TCF7L1: variants seen among roughly 807,000 people sequenced by gnomAD.
TCF7L1 encodes the protein transcription factor 7-like 1.
Under a neutral mutation model 63.7 loss-of-function variants are expected in TCF7L1, and 18 were observed. The ratio of observed to expected loss-of-function variants is 0.28; its 90% CI spans 0.20 to 0.42. The LOEUF is 0.42. Ranked by LOEUF, TCF7L1 falls within the 10% of genes least tolerant of loss-of-function variation. The pLI is 1.00. For missense variants in TCF7L1, 654 were observed against 779.3 expected (o/e 0.84, Z 1.91); for synonymous variants, 355 against 340.9 (o/e 1.04, Z -0.46).
intron 3 of TCF7L1, among the ~76,000 whole-genome samples, chr2:85,211,852 G>A (rs1167838468): frequency 2.0e-5 from 3 of 152,160 alleles, no homozygotes; most frequent in African/African-American, 4.8e-5. Flanking sequence ...CACTCTGGGA[G>A]GCCGAGGCGG....
At chr2:85,232,062 C>G (rs546813694) in intron 3 of TCF7L1, among the ~76,000 whole-genome samples, 4 of 152,244 alleles carry the variant, frequency 2.6e-5, no homozygotes, top group African/African-American at 9.6e-5. Flanking sequence ...GTTGAGAGTC[C>G]AGATCTTCAT....
intron 3 of TCF7L1, among the ~76,000 whole-genome samples, chr2:85,256,628 C>T (rs1680726166): frequency 6.6e-6 from 1 of 152,184 alleles, no homozygotes. Flanking sequence ...TGTGTTCATG[C>T]ATTGCTTCTG....
rs193185826 is a variant in TCF7L1 at position 85,213,043 on chromosome 2, G to A, written c.442-70452G>A. Among the ~76,000 whole-genome samples, 669 of 151,904 alleles carry A rather than the reference G, an allele frequency of 4.4e-3. 5 individuals are homozygous for A. Among genetic ancestry groups the A allele is most frequent in the African/African-American group, 0.015 (627 of 41,420 alleles). ...GTGGGTGAGGTGTGGGGTGGGGTGA[G>A]AAGGGGTTGTGCAAGACTGGACTGG... On this transcript the variant is annotated intron_variant, in intron 3 of 11. Coordinates refer to ENST00000282111, the MANE Select transcript of TCF7L1 (RefSeq NM_031283.3).
chr2:85,240,596 A>G (rs1437256693), intron 3 of TCF7L1, among the ~76,000 whole-genome samples: 1 of 147,718 alleles, frequency 6.8e-6, no homozygotes, highest in African/African-American at 2.6e-5. Context: ...ACATGGCCAA[A>G]CCCCATCTCT....
chr2:85,235,564 C>A (rs552026677), intron 3 of TCF7L1, among the ~76,000 whole-genome samples: 1 of 152,208 alleles, frequency 6.6e-6, no homozygotes, highest in South Asian at 2.1e-4. Flanking sequence ...TACCATGGAG[C>A]TAATCCCTAC....
In TCF7L1 at chr2:85,306,353, C is replaced by A. The variant is rs1573035833; in HGVS notation, c.1137C>A (p.Ile379=). The change falls in exon 9 of 12, where the codon ATC becomes ATA. Residue 379 remains isoleucine (I), a synonymous_variant. Coordinates refer to ENST00000282111, the MANE Select transcript of TCF7L1 (RefSeq NM_031283.3). This position sits in a 1 kb window ranked among gnomAD's most constrained non-coding sequence, Gnocchi z 4.3. ...TLKESAAINQ[I]LGRKWHNLSR... ...AGGAAAGTGCAGCCATTAACCAGAT[C>A]CTTGGAAGAAAGGTAAGACCTGCCC... 6.2e-7 allele frequency: 1 copy of A among 1,614,198 alleles called. No homozygotes were observed. The highest frequency in any genetic ancestry group is 8.5e-7 in the Non-Finnish European group (1 of 1,180,026).
intron 3 of TCF7L1, among the ~76,000 whole-genome samples, chr2:85,219,781 TG>T (rs1487211470): frequency 6.6e-6 from 1 of 152,218 alleles, no homozygotes; most frequent in East Asian, 1.9e-4. Flanking sequence ...TTTATAAGAA[TG>T]TTTGTAACTC....
chr2:85,218,859 A>G (rs1269945553), intron 3 of TCF7L1, among the ~76,000 whole-genome samples: 1 of 152,174 alleles, frequency 6.6e-6, no homozygotes, highest in African/African-American at 2.4e-5. Flanking sequence ...ATGGACGGGC[A>G]TAATGGTGAA....
At chr2:85,158,601 G>T (rs1678209072) in intron 3 of TCF7L1, among the ~76,000 whole-genome samples, 1 of 152,180 alleles carries the variant, frequency 6.6e-6, no homozygotes, top group African/African-American at 2.4e-5. Context: ...TGATAGCTCA[G>T]GTCAGGTTAG....
At chr2:85,254,698 T>C (rs1680667380) in intron 3 of TCF7L1, among the ~76,000 whole-genome samples, 1 of 152,212 alleles carries the variant, frequency 6.6e-6, no homozygotes, top group Non-Finnish European at 1.5e-5. Context: ...GGGGCTCTAT[T>C]CTCACTCCTA....
intron 7 of TCF7L1, among the ~76,000 whole-genome samples, chr2:85,304,883 T>A (rs1312007949): frequency 6.6e-6 from 1 of 152,106 alleles, no homozygotes; most frequent in Non-Finnish European, 1.5e-5. Context: ...GAGGAGACGG[T>A]GAAAGGGGAT....
chr2:85,279,764 C>T (rs1375745577), intron 3 of TCF7L1, among the ~76,000 whole-genome samples: 1 of 152,158 alleles, frequency 6.6e-6, no homozygotes, highest in Admixed American at 6.5e-5. Flanking sequence ...CCCTACACAC[C>T]GCCCCTGCAC....
chr2:85,194,729 A>T lies in TCF7L1; in HGVS notation c.441+60279A>T, dbSNP rs537887419. Among the ~76,000 whole-genome samples, 13 of 152,258 alleles carry T rather than the reference A, an allele frequency of 8.5e-5. No individual in the cohort carries two copies. In the South Asian group the frequency reaches 2.7e-3, roughly 32 times the overall value. ...GCCATATCACAGTAAACACTCCAGG[A>T]GTGGGTTCTCACAGAAGAATCAGGA... On this transcript the variant is annotated intron_variant, in intron 3 of 11. Coordinates refer to ENST00000282111, the MANE Select transcript of TCF7L1 (RefSeq NM_031283.3).
intron 3 of TCF7L1, among the ~76,000 whole-genome samples, chr2:85,261,171 T>G (rs929368370): frequency 2.7e-5 from 4 of 146,414 alleles, no homozygotes; most frequent in Admixed American, 1.4e-4. Context: ...TGTGTGTGTG[T>G]GGTATTTCAT....
intron 4 of TCF7L1, among the ~76,000 whole-genome samples, chr2:85,289,074 G>A (rs1052630518): frequency 6.6e-6 from 1 of 152,096 alleles, no homozygotes; most frequent in Admixed American, 6.6e-5. Context: ...ATTCAGAACT[G>A]TTTTTTAATT....
chr2:85,306,467 C>G lies in TCF7L1; in HGVS notation c.1165C>G (p.Arg389Gly), dbSNP rs1682109381. 3 of 1,614,132 alleles carry G rather than the reference C, an allele frequency of 1.9e-6. No homozygotes were observed. Among genetic ancestry groups the G allele is most frequent in the Middle Eastern group, 1.6e-4 (1 of 6,062 alleles). ...ILGRKWHNLSREEQAKYYELA... is the reference protein window; with the variant it reads ...ILGRKWHNLSGEEQAKYYELA... ...TCTCCCCCAGTGGCACAACCTGTCT[C>G]GAGAAGAACAGGCCAAGTACTACGA... The change falls in exon 10 of 12, where the codon CGA becomes GGA. Residue 389 changes from arginine to glycine, a missense_variant. Arg to Gly is a moderately radical substitution (Grantham distance 125). Transcript: ENST00000282111. This position sits in a 1 kb window ranked among gnomAD's most constrained non-coding sequence, Gnocchi z 4.3.
In TCF7L1 at chr2:85,211,780, A is replaced by G. The variant is rs1679552405; in HGVS notation, c.442-71715A>G. ...CAGGAACAGTGATTTTACAAAGTTA[A>G]AAAAGGCATGTAAAAATCCAGACTT... is the stretch of plus-strand genomic sequence containing the variant. On this transcript the variant is annotated intron_variant, in intron 3 of 11. Transcript: ENST00000282111. Among the ~76,000 whole-genome samples, 6 of 152,150 alleles carry G rather than the reference A, an allele frequency of 3.9e-5. No individual in the cohort carries two copies. In the South Asian group the frequency reaches 1.2e-3, roughly 32 times the overall value.
At chr2:85,137,058 A>G (rs1405240144) in intron 3 of TCF7L1, among the ~76,000 whole-genome samples, 2 of 152,174 alleles carry the variant, frequency 1.3e-5, no homozygotes, top group Non-Finnish European at 2.9e-5. Flanking sequence ...TTTGGCCTCT[A>G]AACTGCACCA....
chr2:85,242,574 G>T (rs1255033800), intron 3 of TCF7L1, among the ~76,000 whole-genome samples: 5 of 152,196 alleles, frequency 3.3e-5, no homozygotes, highest in Non-Finnish European at 7.3e-5. Flanking sequence ...AGGTCCATCT[G>T]CAGCCTTCCT....
Sources: gnomAD v4.1 joint callset for allele counts (sites outside exome capture counted in the v4.1 genomes callset) on GRCh38, gnomAD v4.1.1 for gene constraint, Gnocchi (gnomAD v3.1) non-coding constraint, MANE v1.5 for transcripts, NCBI Gene and HGNC (gene_info 2026-07-23, HGNC 2026-07-21) for gene names.